The following CYP2C18 variants were observed in gnomAD, a reference collection of about 807,000 sequenced individuals.
The protein encoded by CYP2C18 is cytochrome P450 family 2 subfamily C member 18.
Under a neutral mutation model 41.3 loss-of-function variants are expected in CYP2C18, and 38 were observed. That is an observed-to-expected ratio of 0.92 (90% CI 0.71 to 1.21). The LOEUF (loss-of-function observed/expected upper bound fraction) is 1.21. Among genes scored for constraint, CYP2C18 ranks in the 50% most tolerant of loss-of-function variants. The pLI, the probability that CYP2C18 is intolerant of heterozygous loss-of-function variation, is 0.00. For synonymous variants in CYP2C18, 236 were observed against 210.0 expected (o/e 1.12, Z -1.07); for missense variants, 635 against 591.4 (o/e 1.07, Z -0.77).
Position 94,726,182 on chromosome 10 carries a change from CA to C in CYP2C18, c.1149+1657del, listed in dbSNP as rs371485374. On this transcript the variant is annotated intron_variant, in intron 7 of 8. Coordinates refer to ENST00000285979, the MANE Select transcript of CYP2C18 (RefSeq NM_000772.3). Reference sequence around the variant, plus strand: ...ATTCAGAATTAGATATCAACACAGTCAAAAAAAATTTTTTTTCAATTTTTTT... The same window carrying C: ...ATTCAGAATTAGATATCAACACAGTCAAAAAAATTTTTTTTCAATTTTTTT... Among the ~76,000 whole-genome samples, 1,278 of 144,904 alleles carry C rather than the reference CA, an allele frequency of 8.8e-3. 22 individuals are homozygous for C. The highest frequency in any genetic ancestry group is 0.065 in the East Asian group (314 of 4,840).
At chr10:94,697,358 G>T (rs545493197) in intron 4 of CYP2C18, among the ~76,000 whole-genome samples, 1 of 152,280 alleles carries the variant, frequency 6.6e-6, no homozygotes, top group East Asian at 1.9e-4. Context: ...TTTCAACCCA[G>T]AATTTCATAT....
intron 3 of CYP2C18, among the ~76,000 whole-genome samples, chr10:94,689,622 A>C (rs937220174): frequency 1.3e-5 from 2 of 152,164 alleles, no homozygotes; most frequent in Non-Finnish European, 2.9e-5. Flanking sequence ...CATATGCTCA[A>C]GTCCCTTAGA....
rs1589790698 is a variant in CYP2C18 at position 94,687,831 on chromosome 10, T to G, written c.230T>G (p.Leu77Trp). 6.2e-7 allele frequency: 1 copy of G among 1,613,874 alleles called. No individual in the cohort carries two copies. The highest frequency in any genetic ancestry group is 8.5e-7 in the Non-Finnish European group (1 of 1,179,794). The stretch of plus-strand genomic sequence containing the variant: ...TTTGGCCTGAAGCCCATTGTGGTGT[T>G]GCATGGATATGAAGCAGTGAAGGAG... ...VYFGLKPIVV[L>W]HGYEAVKEAL... The change falls in exon 2 of 9, where the codon TTG (leucine) becomes TGG (tryptophan). Residue 77 changes from leucine (L) to tryptophan (W), a missense_variant. By Grantham distance (61) the Leu-to-Trp change is moderately conservative. Coordinates refer to ENST00000285979, the MANE Select transcript of CYP2C18 (RefSeq NM_000772.3).
At chr10:94,732,708 C>G (rs1847854000) in intron 7 of CYP2C18, among the ~76,000 whole-genome samples, 1 of 151,780 alleles carries the variant, frequency 6.6e-6, no homozygotes. Context: ...AACGCAGGAA[C>G]AGAAAACCAA....
At chr10:94,685,860 G>A (rs571810860) in intron 1 of CYP2C18, among the ~76,000 whole-genome samples, 1 of 152,106 alleles carries the variant, frequency 6.6e-6, no homozygotes, top group East Asian at 1.9e-4. Context: ...TGATTAATTT[G>A]CTTTAGTTAT....
Position 94,735,480 on chromosome 10 carries a change from AC to A in CYP2C18, c.*38del. 4 of 1,604,794 alleles carry A rather than the reference AC, an allele frequency of 2.5e-6. No homozygotes were observed. The highest frequency in any genetic ancestry group is 3.4e-6 in the Non-Finnish European group (4 of 1,172,130). On this transcript the variant is annotated 3_prime_UTR_variant, in exon 9 of 9. Transcript: ENST00000285979. ...ATAGTTTGGCTGCTCCTGTGCTGTC[AC>A]CTGCAATTCTCCCTTATCAGGGCCA...
intron 5 of CYP2C18, among the ~76,000 whole-genome samples, chr10:94,712,906 G>T (rs1461216001): frequency 6.6e-6 from 1 of 152,060 alleles, no homozygotes; most frequent in African/African-American, 2.4e-5. Context: ...ATAGCTCATT[G>T]TGTTTTTAAT....
At position 94,692,405 on chromosome 10, in the gene CYP2C18, A is replaced by C. The variant is rs943134568; in HGVS notation, c.482-2512A>C. On this transcript the variant is annotated intron_variant, in intron 3 of 8. Coordinates refer to ENST00000285979, the MANE Select transcript of CYP2C18 (RefSeq NM_000772.3). ...CTCAAAAGAAGACATTTATGCAGCC[A>C]AAAACACATGAAAAATGCTCATCAT... Among the ~76,000 whole-genome samples, 32 of 2,982 alleles carry C rather than the reference A, an allele frequency of 0.011. No homozygotes were observed. In the East Asian group the frequency reaches 0.2, roughly 19 times the overall value. 2.0% of individuals were successfully genotyped at this position (2,982 alleles called of 152,430 possible). A position where few individuals can be genotyped will look rare whatever the true frequency, so the allele number is the denominator to read the frequency against.
chr10:94,700,694 G>C (rs1376830313), intron 4 of CYP2C18, among the ~76,000 whole-genome samples: 1 of 152,118 alleles, frequency 6.6e-6, no homozygotes, highest in African/African-American at 2.4e-5. Flanking sequence ...GCAACCTACA[G>C]AATGGGAGAA....
intron 8 of CYP2C18, among the ~76,000 whole-genome samples, chr10:94,734,637 G>A (rs1157711818): frequency 6.6e-6 from 1 of 152,088 alleles, no homozygotes; most frequent in South Asian, 2.1e-4. Flanking sequence ...AAACTTTGTG[G>A]TGTGTTGGAA....
chr10:94,726,437 G>A (rs777698726), intron 7 of CYP2C18, among the ~76,000 whole-genome samples: 21 of 152,002 alleles, frequency 1.4e-4, no homozygotes, highest in Middle Eastern at 3.4e-3. Context: ...GAGAACATGC[G>A]GTGTTTGGTT....
chr10:94,684,039 C>T (rs535107255), intron 1 of CYP2C18, 52 bp downstream of exon 1: 77 of 1,304,882 alleles, frequency 5.9e-5, no homozygotes, highest in Non-Finnish European at 7.3e-5. Context: ...TTTAACCTCA[C>T]AATTCTTAAA....
chr10:94,696,936 A>T (rs2134182269), intron 4 of CYP2C18, among the ~76,000 whole-genome samples: 1 of 152,332 alleles, frequency 6.6e-6, no homozygotes, highest in South Asian at 2.1e-4. Context: ...GCAAAAAAAG[A>T]ATAAGAAGAA....
At chr10:94,707,060 G>A in intron 5 of CYP2C18, 100 bp downstream of exon 5, 1 of 931,760 alleles carries the variant, frequency 1.1e-6, no homozygotes, top group South Asian at 1.5e-5. Flanking sequence ...AGCACTTTAT[G>A]TACTTACCAT....
At chr10:94,687,530 G>A (rs1267710346) in intron 1 of CYP2C18, among the ~76,000 whole-genome samples, 1 of 152,176 alleles carries the variant, frequency 6.6e-6, no homozygotes, top group Non-Finnish European at 1.5e-5. Context: ...TAAACAAGGT[G>A]TTGATGTGAT....
intron 5 of CYP2C18, among the ~76,000 whole-genome samples, chr10:94,719,573 T>C (rs1847613863): frequency 6.6e-6 from 1 of 152,050 alleles, no homozygotes; most frequent in South Asian, 2.1e-4. Context: ...GGTTAATTTT[T>C]TGATTTTTAT....
At chr10:94,714,394 A>G (rs1847502080) in intron 5 of CYP2C18, among the ~76,000 whole-genome samples, 1 of 152,202 alleles carries the variant, frequency 6.6e-6, no homozygotes, top group African/African-American at 2.4e-5. Context: ...CTTTCTACAT[A>G]TGGCTAGCCA....
rs780069378 is a variant in CYP2C18, at chr10:94,688,247, C to G, written c.454C>G (p.Leu152Val). The change falls in exon 3 of 9, where the codon CTT becomes GTT. Residue 152 changes from leucine (L) to valine (V), a missense_variant. By Grantham distance (32) the Leu-to-Val change is conservative. Coordinates refer to ENST00000285979, the MANE Select transcript of CYP2C18 (RefSeq NM_000772.3). Reference sequence around the variant, plus strand: ...CCGTGTTCAAGAGGAAGCCCGCTGCCTTGTGGAGGAGTTGAGAAAAACCAA... The same window carrying G: ...CCGTGTTCAAGAGGAAGCCCGCTGCGTTGTGGAGGAGTTGAGAAAAACCAA... ...EDRVQEEARCLVEELRKTNAS... is the reference protein window; with the variant it reads ...EDRVQEEARCVVEELRKTNAS... The G allele has an allele frequency of 3.7e-6, 6 of 1,611,906 alleles. No homozygotes were observed. Among genetic ancestry groups the G allele is most frequent in the Non-Finnish European group, 5.1e-6 (6 of 1,179,036 alleles).
intron 4 of CYP2C18, among the ~76,000 whole-genome samples, chr10:94,705,705 A>G (rs1466290361): frequency 1.3e-5 from 2 of 152,008 alleles, no homozygotes; most frequent in African/African-American, 2.4e-5. Context: ...TATTGTGCCA[A>G]TTTTGCGGGC....
Sources: allele counts gnomAD v4.1 joint callset (sites outside exome capture counted in the v4.1 genomes callset), GRCh38; gene constraint gnomAD v4.1.1; transcripts MANE v1.5; gene names NCBI Gene and HGNC (gene_info 2026-07-23, HGNC 2026-07-21).